Variants in ARL15 observed in about 807,000 individuals in gnomAD.
The protein encoded by ARL15 is ARF like GTPase 15.
A neutral mutation model predicts 25.2 loss-of-function variants in ARL15; 19 were observed. That is an observed-to-expected ratio of 0.75 (90% CI 0.53 to 1.10). ARL15 has a LOEUF of 1.10. Among genes scored for constraint, ARL15 ranks in the 50% least tolerant of loss-of-function variants. The pLI, the probability that ARL15 is intolerant of heterozygous loss-of-function variation, is 0.00. For synonymous variants in ARL15, 94 were observed against 86.8 expected (o/e 1.08, Z -0.46); for missense variants, 220 against 246.0 (o/e 0.89, Z 0.71).
intron 1 of ARL15, among the ~76,000 whole-genome samples, chr5:54,201,950 AAAT>A (rs1755736013): frequency 6.6e-6 from 1 of 152,184 alleles, no homozygotes; most frequent in Non-Finnish European, 1.5e-5. Flanking sequence ...AACTGGCAGG[AAAT>A]TCAAAGCAAG....
chr5:54,017,209 C>G (rs550262466), intron 4 of ARL15, among the ~76,000 whole-genome samples: 1 of 152,270 alleles, frequency 6.6e-6, no homozygotes, highest in South Asian at 2.1e-4. Context: ...CAAGAGAGAG[C>G]TTAGGCTTGA....
intron 1 of ARL15, among the ~76,000 whole-genome samples, chr5:54,260,256 A>C (rs567428029): frequency 6.6e-6 from 1 of 152,236 alleles, no homozygotes; most frequent in East Asian, 1.9e-4. Flanking sequence ...TTAAATGCAA[A>C]CCAGCTTCTC....
chr5:54,302,452 G>A (rs531054056), intron 1 of ARL15, among the ~76,000 whole-genome samples: 17 of 152,120 alleles, frequency 1.1e-4, no homozygotes, highest in African/African-American at 4.1e-4. Flanking sequence ...TAAATTAGGT[G>A]ATCCAAGGAA....
chr5:53,953,110 A>C (rs1331605415), intron 4 of ARL15, among the ~76,000 whole-genome samples: 1 of 152,218 alleles, frequency 6.6e-6, no homozygotes, highest in Non-Finnish European at 1.5e-5. Flanking sequence ...AAATATTTAT[A>C]TGTATGCTGA....
chr5:53,918,782 AAG>A (rs1745743064), intron 4 of ARL15, among the ~76,000 whole-genome samples: 1 of 152,172 alleles, frequency 6.6e-6, no homozygotes, highest in African/African-American at 2.4e-5. Context: ...CTGGAAGCAA[AAG>A]AGAGGAGATT....
chr5:53,952,679 T>A (rs571184737), intron 4 of ARL15, among the ~76,000 whole-genome samples: 1 of 152,346 alleles, frequency 6.6e-6, no homozygotes, highest in African/African-American at 2.4e-5. Context: ...AGAAATGAAA[T>A]AATTTCTAAA....
chr5:53,886,646 A>AGT lies in ARL15; in HGVS notation c.528_529dup (p.Leu177HisfsTer8), dbSNP rs1445523726. On this transcript the variant is annotated frameshift_variant, in exon 5 of 5. Coordinates refer to ENST00000504924, the MANE Select transcript of ARL15 (RefSeq NM_019087.3). LOFTEE classifies it high-confidence loss of function. Reference sequence around the variant, plus strand: ...GTCTTTCAGTGCATCCATGTCATCCAGTGAGCAGGGCTGTAGAATCCAGCG... The same window carrying AGT: ...GTCTTTCAGTGCATCCATGTCATCCAGTGTGAGCAGGGCTGTAGAATCCAGCG... The AGT allele has an allele frequency of 6.3e-7, 1 of 1,575,098 alleles. No homozygotes were observed. Among genetic ancestry groups the AGT allele is most frequent in the Non-Finnish European group, 8.6e-7 (1 of 1,158,718 alleles).
At chr5:53,974,965 T>G (rs1747879984) in intron 4 of ARL15, among the ~76,000 whole-genome samples, 1 of 152,138 alleles carries the variant, frequency 6.6e-6, no homozygotes, top group Non-Finnish European at 1.5e-5. Context: ...AAAAGTCTTC[T>G]GGTTATGTGT....
At chr5:53,987,209 TAAC>T (rs1243572608) in intron 4 of ARL15, among the ~76,000 whole-genome samples, 1 of 151,628 alleles carries the variant, frequency 6.6e-6, no homozygotes, top group Non-Finnish European at 1.5e-5. Context: ...GAAGGTACAT[TAAC>T]AATGAAGTAT....
At chr5:54,104,204 A>G (rs1255599771) in intron 4 of ARL15, among the ~76,000 whole-genome samples, 2 of 152,082 alleles carry the variant, frequency 1.3e-5, no homozygotes, top group Non-Finnish European at 2.9e-5. Context: ...CACTCTAGCA[A>G]TTGGTTCTTC....
At chr5:54,236,407 GACACACACACAC>G (rs72439978) in intron 1 of ARL15, among the ~76,000 whole-genome samples, 16,905 of 140,680 alleles carry the variant, frequency 0.12, 1,217 homozygotes, top group East Asian at 0.43. Context: ...ACTAAACACA[GACACACACACAC>G]ACACACACAC....
At chr5:54,078,751 C>A (rs909348300) in intron 4 of ARL15, among the ~76,000 whole-genome samples, 2 of 152,078 alleles carry the variant, frequency 1.3e-5, no homozygotes, top group African/African-American at 4.8e-5. Context: ...TTAATAGATG[C>A]AAAATATTAA....
chr5:54,085,877 T>A (rs1410443907), intron 4 of ARL15, among the ~76,000 whole-genome samples: 2 of 150,960 alleles, frequency 1.3e-5, no homozygotes, highest in African/African-American at 4.9e-5. Context: ...ATACCTATAT[T>A]CTCTCCTAAG....
intron 4 of ARL15, among the ~76,000 whole-genome samples, chr5:54,060,132 A>G (rs1446815688): frequency 1.7e-5 from 2 of 119,518 alleles, no homozygotes; most frequent in African/African-American, 8.0e-5. Context: ...TGATGACTAA[A>G]AAAAAAAAAA....
At chr5:54,143,097 TA>T (rs1310223389) in intron 3 of ARL15, among the ~76,000 whole-genome samples, 1 of 152,196 alleles carries the variant, frequency 6.6e-6, no homozygotes, top group African/African-American at 2.4e-5. Context: ...TATTTGATTA[TA>T]AAAATATACA....
At chr5:54,171,055 C>A (rs1057373220) in intron 2 of ARL15, among the ~76,000 whole-genome samples, 1 of 152,158 alleles carries the variant, frequency 6.6e-6, no homozygotes, top group Non-Finnish European at 1.5e-5. Context: ...AAAGAGGACA[C>A]ATTTGGGAAG....
chr5:53,902,157 T>C (rs997854667), intron 4 of ARL15, among the ~76,000 whole-genome samples: 5 of 152,238 alleles, frequency 3.3e-5, no homozygotes, highest in Admixed American at 2.6e-4. Context: ...TCTTTTAAAA[T>C]GAGTTTTTGG....
chr5:54,193,740 TCCAGAA>T (rs1755471110), intron 1 of ARL15, among the ~76,000 whole-genome samples: 1 of 145,490 alleles, frequency 6.9e-6, no homozygotes. Context: ...TTTTTTTTTT[TCCAGAA>T]CTGTAACTAC....
In ARL15 at chr5:54,092,184, T is replaced by C. The variant is rs118121253; in HGVS notation, c.462+21018A>G. ...AGTCTCCTGGTGAAGCTCTGTGCTA[T>C]GTATTTATTCCAAGTGATGTCCACA... On this transcript the variant is annotated intron_variant, in intron 4 of 4. Coordinates refer to ENST00000504924, the MANE Select transcript of ARL15 (RefSeq NM_019087.3). Among the ~76,000 whole-genome samples, 39 of 152,304 alleles carry C rather than the reference T, an allele frequency of 2.6e-4. 1 individual carries two copies. The East Asian group carries it at 6.0e-3, about 24-fold the overall frequency.
Sources: allele counts gnomAD v4.1 joint callset (sites outside exome capture counted in the v4.1 genomes callset), GRCh38; gene constraint gnomAD v4.1.1; transcripts MANE v1.5; gene names NCBI Gene and HGNC (gene_info 2026-07-23, HGNC 2026-07-21).